Variants in VAMP1 observed in about 807,000 individuals in gnomAD.
The protein encoded by VAMP1 is vesicle-associated membrane protein 1.
In VAMP1, 16 loss-of-function variants were observed where a neutral mutation model predicts 19.1. That is an observed-to-expected ratio of 0.84 (90% CI 0.57 to 1.27). VAMP1 has a LOEUF of 1.27. VAMP1 is among the 50% of genes most tolerant of loss of function. The pLI is 0.00. For missense variants in VAMP1, 109 were observed against 145.4 expected (o/e 0.75, Z 1.29); for synonymous variants, 37 against 50.2 (o/e 0.74, Z 1.11).
chr12:6,464,209 C>G lies in VAMP1; in HGVS notation c.*261G>C, dbSNP rs1949947294. The G allele has an allele frequency of 1.3e-6, 2 of 1,491,732 alleles. No individual in the cohort carries two copies. The highest frequency in any genetic ancestry group is 1.8e-6 in the Non-Finnish European group (2 of 1,118,030). The allele number at this position is 1,491,732 out of a possible 1,614,324, so 92.4% of individuals were successfully genotyped here. A position where few individuals can be genotyped will look rare whatever the true frequency, so the allele number is the denominator to read the frequency against. On this transcript the variant is annotated 3_prime_UTR_variant, in exon 5 of 5. Transcript: ENST00000396308. ...CCAACTCTTTGGGGCTTTGGGGGAA[C>G]TTGAGAGTACAGAAAAAGCAGGCAG... is the stretch of plus-strand genomic sequence containing the variant.
Position 6,462,794 on chromosome 12 carries a change from G to A in VAMP1, c.*1676C>T. The stretch of plus-strand genomic sequence containing the variant: ...GAGGAGAGTGGAGACCTTCGAGGGG[G>A]GCCGTTGGGAGGGTACTGACTGCTT... On this transcript the variant is annotated 3_prime_UTR_variant, in exon 5 of 5. Transcript: ENST00000396308. The A allele has an allele frequency of 1.3e-6, 2 of 1,584,354 alleles. No individual in the cohort carries two copies. The highest frequency in any genetic ancestry group is 1.3e-5 in the African/African-American group (1 of 74,530).
At chr12:6,464,671 C>T (rs1949958753) in intron 4 of VAMP1, 185 bp from the exon 5 acceptor site, 4 of 1,470,384 alleles carry the variant, frequency 2.7e-6, no homozygotes, top group Middle Eastern at 2.4e-4. Flanking sequence ...GAACAGGAGG[C>T]GCCATCTCCC....
rs756108994 is a variant in VAMP1, at chr12:6,466,009, G to C, written c.130-9C>G. On this transcript the variant is annotated splice_polypyrimidine_tract_variant and intron_variant, in intron 2 of 4. Transcript: ENST00000396308. ...CGTATGATGTCCACCACCTGAGGAG[G>C]GCACAGAAACAAAGCAGCTAAGCTT... 6 of 1,614,048 alleles carry C rather than the reference G, an allele frequency of 3.7e-6. No individual in the cohort carries two copies. The highest frequency in any genetic ancestry group is 5.1e-6 in the Non-Finnish European group (6 of 1,179,936).
chr12:6,470,558 G>A lies in VAMP1; in HGVS notation c.-27C>T. On this transcript the variant is annotated 5_prime_UTR_variant, in exon 1 of 5. Transcript: ENST00000396308. The stretch of plus-strand genomic sequence containing the variant: ...TTTCTGACAGAGAGAGTGAGGGTCT[G>A]TTCCTCTCCGGAGGCTGCGGCGAGA... 1 of 1,613,914 alleles carries A rather than the reference G, an allele frequency of 6.2e-7. No individual in the cohort carries two copies. The highest frequency in any genetic ancestry group is 8.5e-7 in the Non-Finnish European group (1 of 1,179,846).
chr12:6,468,261 C>T (rs562320984), intron 1 of VAMP1, among the ~76,000 whole-genome samples: 17 of 152,222 alleles, frequency 1.1e-4, no homozygotes, highest in Non-Finnish European at 2.2e-4. Flanking sequence ...TGTCAGCTCA[C>T]CCCTTTTTAT....
chr12:6,464,428 A>T lies in VAMP1; in HGVS notation c.*42T>A, dbSNP rs750087343. The T allele has an allele frequency of 5.4e-5, 84 of 1,564,218 alleles. No individual in the cohort carries two copies. The highest frequency in any genetic ancestry group is 7.2e-5 in the Non-Finnish European group (83 of 1,154,236). On this transcript the variant is annotated 3_prime_UTR_variant, in exon 5 of 5. Transcript: ENST00000396308. ...GAGCAAACAGAGGGCAGAGGACATG[A>T]ATGTGGATGGCAATGGACAACAGGG...
Position 6,462,259 on chromosome 12 carries a change from T to G in VAMP1, c.*2211A>C. 1.0e-6 allele frequency: 1 copy of G among 980,768 alleles called. No homozygotes were observed. The highest frequency in any genetic ancestry group is 1.7e-5 in the South Asian group (1 of 60,156). 60.8% of individuals were successfully genotyped at this position (980,768 alleles called of 1,614,324 possible). ...CAGTTTAATGGTAGGAATTTGTATT[T>G]TTTGCCTTTGTTCAGAATACATGAC... On this transcript the variant is annotated 3_prime_UTR_variant, in exon 5 of 5. Transcript: ENST00000396308.
rs1949892600 is a variant in VAMP1 at position 6,462,314 on chromosome 12, G to A, written c.*2156C>T. ...GTAAATATGCCACATGCCTTTGGTG[G>A]AAGTACAACTGTTGTTATTACTCTA... On this transcript the variant is annotated 3_prime_UTR_variant, in exon 5 of 5. Transcript: ENST00000396308. 1.8e-5 allele frequency: 11 copies of A among 595,954 alleles called. No homozygotes were observed. In the South Asian group the frequency reaches 2.3e-4, roughly 12 times the overall value. The allele number at this position is 595,954 out of a possible 1,614,324, so 36.9% of individuals were successfully genotyped here.
At position 6,463,408 on chromosome 12, in the gene VAMP1, C is replaced by T; in HGVS notation, c.*1062G>A. 3 of 1,058,670 alleles carry T rather than the reference C, an allele frequency of 2.8e-6. No individual in the cohort carries two copies. Among genetic ancestry groups the T allele is most frequent in the South Asian group, 6.0e-5 (2 of 33,586 alleles). 65.6% of individuals were successfully genotyped at this position (1,058,670 alleles called of 1,614,324 possible). A position where few individuals can be genotyped will look rare whatever the true frequency, so the allele number is the denominator to read the frequency against. ...CCAGGAAGAACCACTTGCCTCATCC[C>T]TGTCTTTGGCAAGTGCACGGGTGGT... On this transcript the variant is annotated 3_prime_UTR_variant, in exon 5 of 5. Transcript: ENST00000396308. This position sits in a 1 kb window ranked among gnomAD's most constrained non-coding sequence, Gnocchi z 4.0.
rs1565526391 is a variant in VAMP1, at chr12:6,465,452, A to AG, written c.288+389_288+390insC. ...TAAATGTATATATATGTATATATACATATGTGTATATATAGTGTGTGTGTG... is the reference window on the plus strand; with the variant it reads ...TAAATGTATATATATGTATATATACAGTATGTGTATATATAGTGTGTGTGTG... On this transcript the variant is annotated intron_variant, in intron 3 of 4. Transcript: ENST00000396308. 341 of 131,740 alleles carry AG rather than the reference A, an allele frequency of 2.6e-3. 13 individuals are homozygous for AG. The highest frequency in any genetic ancestry group is 0.012 in the African/African-American group (327 of 28,324). 8.2% of individuals were successfully genotyped at this position (131,740 alleles called of 1,614,324 possible). A position where few individuals can be genotyped will look rare whatever the true frequency, so the allele number is the denominator to read the frequency against.
In VAMP1 at chr12:6,464,315, T is replaced by C. The variant is rs773317031; in HGVS notation, c.*155A>G. Reference sequence around the variant, plus strand: ...GCATTTCTAGTGTTGAGGGACAGAGTGCAAATGAACGCAACGAAAAAGGAG... The same window carrying C: ...GCATTTCTAGTGTTGAGGGACAGAGCGCAAATGAACGCAACGAAAAAGGAG... On this transcript the variant is annotated 3_prime_UTR_variant, in exon 5 of 5. Coordinates refer to ENST00000396308, the MANE Select transcript of VAMP1 (RefSeq NM_014231.5). The C allele has an allele frequency of 1.3e-5, 20 of 1,546,298 alleles. 1 individual carries two copies. In the South Asian group the frequency reaches 2.3e-4, roughly 18 times the overall value.
chr12:6,470,642 C>T lies in VAMP1; in HGVS notation c.-111G>A, dbSNP rs368288817. ...GGAACTGCCAAGCTCCGCCTCGCGC[C>T]GACTACCCCGCGGTCTAGCTGCGCT... On this transcript the variant is annotated 5_prime_UTR_variant, in exon 1 of 5. Coordinates refer to ENST00000396308, the MANE Select transcript of VAMP1 (RefSeq NM_014231.5). 1.4e-6 allele frequency: 2 copies of T among 1,457,466 alleles called. No individual in the cohort carries two copies. The highest frequency in any genetic ancestry group is 2.3e-5 in the South Asian group (2 of 85,440). 90.3% of individuals were successfully genotyped at this position (1,457,466 alleles called of 1,614,324 possible). A position where few individuals can be genotyped will look rare whatever the true frequency, so the allele number is the denominator to read the frequency against.
At chr12:6,466,079 T>C (rs1592148738) in intron 2 of VAMP1, 79 bp from the exon 3 acceptor site, 1 of 1,612,204 alleles carries the variant, frequency 6.2e-7, no homozygotes, top group East Asian at 2.2e-5. Flanking sequence ...GAATCACAAG[T>C]CTGGCCCTGT....
chr12:6,464,475 TAAA>T lies in VAMP1; in HGVS notation c.349_351del (p.Phe117del). 1 of 1,540,584 alleles carries T rather than the reference TAAA, an allele frequency of 6.5e-7. No homozygotes were observed. The highest frequency in any genetic ancestry group is 8.8e-7 in the Non-Finnish European group (1 of 1,142,438). The stretch of plus-strand genomic sequence containing the variant: ...AGGGAAGGGGTGGTACATTCTCAAG[TAAA>T]AAAGTAGACTGGACACAGGAATCAG... On this transcript the variant is annotated inframe_deletion, in exon 5 of 5. Transcript: ENST00000396308.
intron 1 of VAMP1, among the ~76,000 whole-genome samples, chr12:6,468,713 C>G (rs1322355223): frequency 1.3e-5 from 2 of 152,146 alleles, no homozygotes; most frequent in Admixed American, 6.6e-5. Flanking sequence ...AGTGTGTGGT[C>G]TTCAAGACAA....
rs540456464 is a variant in VAMP1, at chr12:6,463,650, G to A, written c.*820C>T. 27 of 1,088,742 alleles carry A rather than the reference G, an allele frequency of 2.5e-5. No homozygotes were observed. The highest frequency in any genetic ancestry group is 2.6e-5 in the Non-Finnish European group (23 of 890,228). The allele number at this position is 1,088,742 out of a possible 1,614,324, so 67.4% of individuals were successfully genotyped here. A position where few individuals can be genotyped will look rare whatever the true frequency, so the allele number is the denominator to read the frequency against. On this transcript the variant is annotated 3_prime_UTR_variant, in exon 5 of 5. Coordinates refer to ENST00000396308, the MANE Select transcript of VAMP1 (RefSeq NM_014231.5). This position sits in a 1 kb window ranked among gnomAD's most constrained non-coding sequence, Gnocchi z 4.0. ...ATGCCAACAATTAACTGGGAGCTAG[G>A]TTAAATTATTTGGCTAGATAAAACT...
intron 3 of VAMP1, 55 bp downstream of exon 3, chr12:6,465,787 G>T: frequency 1.2e-6 from 2 of 1,600,028 alleles, no homozygotes; most frequent in Non-Finnish European, 1.7e-6. Context: ...GGGTTTTCTT[G>T]CCTTCTACCA....
At position 6,464,954 on chromosome 12, in the gene VAMP1, G is replaced by A. The variant is rs137903255; in HGVS notation, c.289-13C>T. The A allele has an allele frequency of 4.3e-4, 701 of 1,612,226 alleles. 2 individuals carry two copies. The African/African-American group carries it at 7.4e-3, about 17-fold the overall frequency. On this transcript the variant is annotated splice_polypyrimidine_tract_variant and intron_variant, in intron 3 of 4. Transcript: ENST00000396308. ...GCATGATCATCATCTGAGGAAACAT[G>A]GACAAAAAATGAGCCCTTGGATTTC...
Position 6,463,183 on chromosome 12 carries a change from G to A in VAMP1, c.*1287C>T. 1 of 1,437,546 alleles carries A rather than the reference G, an allele frequency of 7.0e-7. No homozygotes were observed. The highest frequency in any genetic ancestry group is 1.5e-5 in the South Asian group (1 of 67,698). The allele number at this position is 1,437,546 out of a possible 1,614,324, so 89.0% of individuals were successfully genotyped here. On this transcript the variant is annotated 3_prime_UTR_variant, in exon 5 of 5. Coordinates refer to ENST00000396308, the MANE Select transcript of VAMP1 (RefSeq NM_014231.5). This position sits in a 1 kb window ranked among gnomAD's most constrained non-coding sequence, Gnocchi z 4.0. ...ATGCAAAGAGGAGGAAGAGAAAGGA[G>A]GCAAAGTAGAATTCAGACAGGAAAG...
Sources: allele counts gnomAD v4.1 joint callset (sites outside exome capture counted in the v4.1 genomes callset), GRCh38; gene constraint gnomAD v4.1.1; non-coding constraint Gnocchi (gnomAD v3.1); transcripts MANE v1.5; gene names NCBI Gene and HGNC (gene_info 2026-07-23, HGNC 2026-07-21).